Variants in NOVA1 observed in about 807,000 individuals in gnomAD.
NOVA1 encodes the protein RNA-binding protein Nova-1.
In NOVA1, 7 loss-of-function variants were observed where a neutral mutation model predicts 38.0. The ratio of observed to expected loss-of-function variants is 0.18; its 90% CI spans 0.10 to 0.35. The LOEUF (loss-of-function observed/expected upper bound fraction) is 0.35. Among genes scored for constraint, NOVA1 ranks in the 10% least tolerant of loss-of-function variants. The probability of loss-of-function intolerance (pLI) is 1.00; values close to 1 mark genes in which losing one functional copy is unlikely to be tolerated. For missense variants in NOVA1, 460 were observed against 616.0 expected (o/e 0.75, Z 2.68); for synonymous variants, 270 against 232.5 (o/e 1.16, Z -1.47).
intron 2 of NOVA1, among the ~76,000 whole-genome samples, chr14:26,520,495 A>T (rs1318501851): frequency 6.6e-6 from 1 of 152,188 alleles, no homozygotes; most frequent in East Asian, 1.9e-4. Context: ...GGCCATTTTA[A>T]GCAACGAAGT....
At chr14:26,481,988 T>TAAAAAAAAAAAAAAAAAAAAAA (rs372806170) in intron 2 of NOVA1, among the ~76,000 whole-genome samples, 14 of 105,980 alleles carry the variant, frequency 1.3e-4, no homozygotes, top group African/African-American at 3.6e-4. Flanking sequence ...TAGATAGAGA[T>TAAAAAAAAAAAAAAAAAAAAAA]AAAAAAAAAA....
chr14:26,511,525 T>C (rs1408093426), intron 2 of NOVA1, among the ~76,000 whole-genome samples: 3 of 152,020 alleles, frequency 2.0e-5, no homozygotes, highest in Non-Finnish European at 4.4e-5. Flanking sequence ...CCCAGCACTA[T>C]GGGAGGCTGA....
At chr14:26,526,148 T>A (rs746629515) in intron 2 of NOVA1, among the ~76,000 whole-genome samples, 7 of 152,168 alleles carry the variant, frequency 4.6e-5, no homozygotes, top group African/African-American at 7.2e-5. Flanking sequence ...AATAAGAGAT[T>A]AAACTCATTT....
chr14:26,591,742 T>C (rs1268590843), intron 2 of NOVA1, among the ~76,000 whole-genome samples: 1 of 151,598 alleles, frequency 6.6e-6, no homozygotes, highest in Non-Finnish European at 1.5e-5. Context: ...ATGTTGGGTC[T>C]TTCCTTCCCT....
intron 2 of NOVA1, among the ~76,000 whole-genome samples, chr14:26,572,187 C>T (rs1431703642): frequency 1.3e-5 from 2 of 152,100 alleles, no homozygotes; most frequent in East Asian, 3.9e-4. Context: ...AAACAACCCA[C>T]CTTAGGGAAA....
intron 2 of NOVA1, among the ~76,000 whole-genome samples, chr14:26,481,372 T>C (rs1201953447): frequency 1.3e-5 from 2 of 152,062 alleles, no homozygotes; most frequent in Non-Finnish European, 2.9e-5. Flanking sequence ...ATTTAAAAAG[T>C]CATAAGGAGT....
chr14:26,451,391 G>T (rs980214580), intron 4 of NOVA1, among the ~76,000 whole-genome samples: 2 of 151,662 alleles, frequency 1.3e-5, no homozygotes, highest in South Asian at 4.2e-4. Flanking sequence ...TTTGAGAGAC[G>T]GAGTCTTGCT....
intron 4 of NOVA1, among the ~76,000 whole-genome samples, chr14:26,464,593 T>C (rs978921552): frequency 6.6e-6 from 1 of 152,206 alleles, no homozygotes; most frequent in Non-Finnish European, 1.5e-5. Flanking sequence ...GACACATTTA[T>C]AGTAAATTTT....
intron 2 of NOVA1, among the ~76,000 whole-genome samples, chr14:26,546,320 C>T (rs1230322826): frequency 6.6e-6 from 1 of 152,024 alleles, no homozygotes; most frequent in Non-Finnish European, 1.5e-5. Context: ...CTCCCTATTG[C>T]TTACAGTAAA....
intron 4 of NOVA1, among the ~76,000 whole-genome samples, chr14:26,470,687 A>T (rs187607943): frequency 1.3e-5 from 2 of 152,266 alleles, no homozygotes; most frequent in Admixed American, 1.3e-4. Flanking sequence ...TTTTAAAGAA[A>T]CCATTTTATA....
chr14:26,489,923 A>C, intron 2 of NOVA1, among the ~76,000 whole-genome samples: 1 of 152,200 alleles, frequency 6.6e-6, no homozygotes, highest in East Asian at 1.9e-4. Context: ...GGTATTAATT[A>C]AATTCAAATG....
At chr14:26,574,260 G>A (rs1892675895) in intron 2 of NOVA1, among the ~76,000 whole-genome samples, 1 of 101,596 alleles carries the variant, frequency 9.8e-6, no homozygotes, top group Non-Finnish European at 1.8e-5. Flanking sequence ...TCCTGACCTC[G>A]TGATCCACCC....
At chr14:26,560,834 A>G (rs991361055) in intron 2 of NOVA1, among the ~76,000 whole-genome samples, 2 of 152,202 alleles carry the variant, frequency 1.3e-5, no homozygotes, top group Non-Finnish European at 1.5e-5. Flanking sequence ...ATGTAGTTTT[A>G]ACCATCTCTG....
At chr14:26,463,717 C>T (rs919944074) in intron 4 of NOVA1, among the ~76,000 whole-genome samples, 1 of 152,094 alleles carries the variant, frequency 6.6e-6, no homozygotes, top group African/African-American at 2.4e-5. Flanking sequence ...TTCTTCCTTG[C>T]TTAAGTCATC....
intron 2 of NOVA1, among the ~76,000 whole-genome samples, chr14:26,554,123 C>T (rs1476152981): frequency 2.5e-5 from 3 of 119,878 alleles, no homozygotes; most frequent in Admixed American, 1.1e-4. Context: ...CATTCCAGCA[C>T]GGGTGAAAAA....
chr14:26,596,944 C>G, intron 1 of NOVA1: 1 of 1,206,248 alleles, frequency 8.3e-7, no homozygotes, highest in South Asian at 1.9e-5. Flanking sequence ...GCGGCCATCA[C>G]CTCACTCCGG....
intron 2 of NOVA1, among the ~76,000 whole-genome samples, chr14:26,528,413 A>G (rs538870637): frequency 5.3e-5 from 8 of 152,192 alleles, no homozygotes; most frequent in Non-Finnish European, 1.2e-4. Flanking sequence ...AGAAACTGCT[A>G]AGCCATGTAG....
rs985021112 is a variant in NOVA1 at position 26,480,016 on chromosome 14, T to C, written c.408A>G (p.Leu136=). 6.2e-7 allele frequency: 1 copy of C among 1,614,070 alleles called. No homozygotes were observed. The highest frequency in any genetic ancestry group is 8.5e-7 in the Non-Finnish European group (1 of 1,180,000). ...CTGGATTAACGGTGGTCTGGGGTTG[T>C]AGAATGCTGACTGGTTCTGTCTTGG... ...NVAKTEPVSI[L]QPQTTVNPDR... is the part of the protein sequence containing the mutation. The change falls in exon 3 of 5, where the codon CTA becomes CTG. Residue 136 remains leucine, a synonymous_variant. Coordinates refer to ENST00000539517, the MANE Select transcript of NOVA1 (RefSeq NM_002515.3).
At chr14:26,542,367 C>A (rs1890516426) in intron 2 of NOVA1, among the ~76,000 whole-genome samples, 1 of 151,848 alleles carries the variant, frequency 6.6e-6, no homozygotes, top group East Asian at 1.9e-4. Context: ...CTAATTTTTA[C>A]TTATTTGCCT....
Sources: gnomAD v4.1 joint callset for allele counts (sites outside exome capture counted in the v4.1 genomes callset) on GRCh38, gnomAD v4.1.1 for gene constraint, MANE v1.5 for transcripts, NCBI Gene and HGNC (gene_info 2026-07-23, HGNC 2026-07-21) for gene names.